DLG2: variants seen among roughly 807,000 people sequenced by gnomAD.
DLG2 encodes discs large MAGUK scaffold protein 2, also known as disks large homolog 2.
Under a neutral mutation model 132.5 loss-of-function variants are expected in DLG2, and 45 were observed. The observed-to-expected ratio is 0.34, with a 90% CI of 0.27 to 0.44. The LOEUF (loss-of-function observed/expected upper bound fraction) is 0.44. Ranked by LOEUF, DLG2 falls within the 20% of genes least tolerant of loss-of-function variation. DLG2 has a pLI of 1.00. For synonymous variants in DLG2, 424 were observed against 419.6 expected (o/e 1.01, Z -0.13); for missense variants, 1,045 against 1,196.9 (o/e 0.87, Z 1.87).
intron 7 of DLG2, among the ~76,000 whole-genome samples, chr11:84,294,554 C>T (rs1338501599): frequency 2.6e-5 from 4 of 152,142 alleles, no homozygotes; most frequent in African/African-American, 9.7e-5. Flanking sequence ...GCCGAGATCG[C>T]GGCACTGCAT....
intron 19 of DLG2, among the ~76,000 whole-genome samples, chr11:83,619,072 T>C (rs773517678): frequency 8.5e-5 from 13 of 152,216 alleles, no homozygotes; most frequent in Non-Finnish European, 1.8e-4. Flanking sequence ...CATTCCATCA[T>C]ACTTGCTCTA....
At chr11:85,392,092 T>G (rs1264522552) in intron 3 of DLG2, among the ~76,000 whole-genome samples, 1 of 152,046 alleles carries the variant, frequency 6.6e-6, no homozygotes, top group African/African-American at 2.4e-5. Flanking sequence ...AAGCAAAGTT[T>G]CAGAAAACAA....
chr11:85,530,083 ACCTCATGGGTTCAAGCGATTCTCCTG>A (rs1454270451), intron 3 of DLG2, among the ~76,000 whole-genome samples: 1 of 132,988 alleles, frequency 7.5e-6, no homozygotes, highest in Admixed American at 8.9e-5. Flanking sequence ...CACAACCTCC[ACCTCATGGGTTCAAGCGATTCTCCTG>A]CCTCAGCCTC....
In DLG2 at chr11:84,367,439, G is replaced by A. The variant is rs1272308721; in HGVS notation, c.520-116148C>T. ...TTGGCCCATGAACTGTAGTTGTCAA[G>A]TCCCATTCAAGCAGGATGATTGTTT... On this transcript the variant is annotated intron_variant, in intron 7 of 27. Transcript: ENST00000376104. Among the ~76,000 whole-genome samples the A allele has an allele frequency of 2.0e-5, 3 of 152,066 alleles. No individual in the cohort carries two copies. In the East Asian group the frequency reaches 5.8e-4, roughly 29 times the overall value.
intron 19 of DLG2, among the ~76,000 whole-genome samples, chr11:83,603,655 T>C (rs2058904067): frequency 6.6e-6 from 1 of 152,158 alleles, no homozygotes; most frequent in Admixed American, 6.5e-5. Context: ...TTGAATCAAC[T>C]GGACTTCATA....
At chr11:85,016,905 C>T (rs1205169302) in intron 6 of DLG2, among the ~76,000 whole-genome samples, 3 of 152,150 alleles carry the variant, frequency 2.0e-5, no homozygotes, top group African/African-American at 7.2e-5. Context: ...TTTTCCTACT[C>T]TCTTCTGTTC....
chr11:83,895,246 G>A (rs56274778), intron 15 of DLG2, among the ~76,000 whole-genome samples: 14,543 of 139,812 alleles, frequency 0.1, 840 homozygotes, highest in Middle Eastern at 0.22. Context: ...CGCAACCTCC[G>A]CCTCCAGGGT....
intron 18 of DLG2, among the ~76,000 whole-genome samples, chr11:83,775,586 T>G (rs1183340135): frequency 1.3e-5 from 2 of 152,228 alleles, no homozygotes; most frequent in Non-Finnish European, 2.9e-5. Flanking sequence ...GTTTTAATTA[T>G]TCTCTTCTTG....
intron 8 of DLG2, among the ~76,000 whole-genome samples, chr11:84,223,538 T>C (rs1433386591): frequency 2.0e-5 from 3 of 150,932 alleles, no homozygotes; most frequent in East Asian, 1.9e-4. Flanking sequence ...AGATCATTAA[T>C]TGGGAAAATT....
chr11:83,825,225 A>G (rs1594988686), intron 17 of DLG2, among the ~76,000 whole-genome samples: 1 of 128,266 alleles, frequency 7.8e-6, no homozygotes, highest in Non-Finnish European at 1.6e-5. Flanking sequence ...CTTGTTGCCC[A>G]GGCTGGAATG....
chr11:84,244,454 G>A (rs1397046588), intron 8 of DLG2, among the ~76,000 whole-genome samples: 1 of 152,152 alleles, frequency 6.6e-6, no homozygotes, highest in African/African-American at 2.4e-5. Flanking sequence ...CCAAAGTGCT[G>A]GGATTACAGG....
intron 7 of DLG2, among the ~76,000 whole-genome samples, chr11:84,450,770 A>C (rs1229831349): frequency 6.6e-6 from 1 of 151,368 alleles, no homozygotes; most frequent in Non-Finnish European, 1.5e-5. Context: ...TAATACATCT[A>C]TTTTTCATGG....
chr11:84,933,705 T>G (rs927317072), intron 6 of DLG2, among the ~76,000 whole-genome samples: 16 of 152,336 alleles, frequency 1.1e-4, no homozygotes, highest in Admixed American at 1.0e-3. Flanking sequence ...TTTTGCACAT[T>G]CATGTTATAT....
chr11:83,937,263 T>G (rs1372703904), intron 14 of DLG2, among the ~76,000 whole-genome samples: 2 of 151,828 alleles, frequency 1.3e-5, no homozygotes, highest in Admixed American at 6.6e-5. Context: ...ATCCCAGCAC[T>G]TTGGGAGGCC....
intron 9 of DLG2, among the ~76,000 whole-genome samples, chr11:84,111,091 A>G (rs375957103): frequency 1.1e-4 from 16 of 152,216 alleles, no homozygotes; most frequent in Middle Eastern, 3.4e-3. Context: ...GTACTTGTTT[A>G]TATGTTTATT....
chr11:84,638,902 A>G (rs1421567154), intron 6 of DLG2, among the ~76,000 whole-genome samples: 1 of 152,210 alleles, frequency 6.6e-6, no homozygotes, highest in East Asian at 1.9e-4. Context: ...CTTGTTGGCT[A>G]TCATCACCAG....
At chr11:85,040,386 T>A (rs1189065871) in intron 6 of DLG2, among the ~76,000 whole-genome samples, 2 of 151,946 alleles carry the variant, frequency 1.3e-5, no homozygotes. Context: ...AAAACTGAAA[T>A]ACAAGTCACA....
intron 3 of DLG2, among the ~76,000 whole-genome samples, chr11:85,499,377 C>G (rs912926615): frequency 1.3e-5 from 2 of 152,072 alleles, no homozygotes; most frequent in African/African-American, 4.8e-5. Context: ...ATAAATACAA[C>G]CCCCAGGACT....
In DLG2 at chr11:83,559,143, A is replaced by T. The variant is rs555422872; in HGVS notation, c.1941-17285T>A. 2.0e-4 allele frequency among the ~76,000 whole-genome samples: 31 copies of T among 152,286 alleles called. 1 individual carries two copies. Among genetic ancestry groups the T allele is most frequent in the African/African-American group, 7.0e-4 (29 of 41,558 alleles). On this transcript the variant is annotated intron_variant, in intron 19 of 27. Transcript: ENST00000376104. ...TTGGCCAAAGAAAGATGAAAATAAA[A>T]GCATTAGAGGTTGAGGAAACAGAAT... is the stretch of plus-strand genomic sequence containing the variant.
Sources: allele counts gnomAD v4.1 joint callset (sites outside exome capture counted in the v4.1 genomes callset), GRCh38; gene constraint gnomAD v4.1.1; transcripts MANE v1.5; gene names NCBI Gene and HGNC (gene_info 2026-07-23, HGNC 2026-07-21).